MRPL37: variants seen among roughly 807,000 people sequenced by gnomAD.
The protein encoded by MRPL37 is mitochondrial ribosomal protein L37.
In MRPL37, 34 loss-of-function variants were observed where a neutral mutation model predicts 44.1. The observed-to-expected ratio is 0.77, with a 90% CI of 0.59 to 1.03. The LOEUF is 1.03. Ranked by LOEUF, MRPL37 falls within the 50% of genes least tolerant of loss-of-function variation. The pLI is 0.00. For missense variants in MRPL37, 532 were observed against 543.7 expected (o/e 0.98, Z 0.21); for synonymous variants, 212 against 219.5 (o/e 0.97, Z 0.30).
chr1:54,217,336 A>G (rs1010376819), intron 6 of MRPL37, among the ~76,000 whole-genome samples: 1 of 152,176 alleles, frequency 6.6e-6, no homozygotes, highest in Non-Finnish European at 1.5e-5. Flanking sequence ...GCATAGTCAC[A>G]CCAGCCACCT....
At chr1:54,204,946 C>T (rs1056776309) in intron 1 of MRPL37, 72 bp from the exon 2 acceptor site, 29 of 1,520,330 alleles carry the variant, frequency 1.9e-5, no homozygotes, top group Middle Eastern at 2.4e-4. Flanking sequence ...AAGATGCTAC[C>T]TGGCAGGTGT....
At chr1:54,210,969 C>G (rs1644160304) in intron 4 of MRPL37, among the ~76,000 whole-genome samples, 1 of 152,130 alleles carries the variant, frequency 6.6e-6, no homozygotes, top group African/African-American at 2.4e-5. Context: ...GGTCTCTGCC[C>G]CATCCCCAGC....
downstream of MRPL37, among the ~76,000 whole-genome samples, chr1:54,222,789 A>G (rs180959680): frequency 3.1e-4 from 47 of 152,254 alleles, no homozygotes; most frequent in Admixed American, 1.8e-3. Flanking sequence ...TCTTTACTGG[A>G]TATCAAATCA....
Position 54,218,210 on chromosome 1 carries a change from C to G in MRPL37, c.1233C>G (p.Phe411Leu). The change falls in exon 7 of 7, where the codon TTC (phenylalanine) becomes TTG (leucine). Residue 411 changes from phenylalanine (F) to leucine (L), a missense_variant. By Grantham distance (22) the Phe-to-Leu change is conservative. Transcript: ENST00000360840. ...CAGTTGGTTTCAAGCCAGAGACATT[C>G]AGAAAGTTTTTAGCTCTATATTTGC... The part of the protein sequence containing the change: ...VGPVGFKPET[F>L]RKFLALYLHG... 6.2e-7 allele frequency: 1 copy of G among 1,614,240 alleles called. No homozygotes were observed. Among genetic ancestry groups the G allele is most frequent in the Non-Finnish European group, 8.5e-7 (1 of 1,180,038 alleles).
Position 54,218,291 on chromosome 1 carries a change from T to C in MRPL37, c.*42T>C. The C allele has an allele frequency of 1.2e-6, 2 of 1,613,814 alleles. No homozygotes were observed. The highest frequency in any genetic ancestry group is 1.7e-6 in the Non-Finnish European group (2 of 1,179,890). ...AATCCTGAAACCCCTCTTGCCTCTCTTCCACGGAAGAGGGCCTGGGCCCCG... is the reference window on the plus strand; with the variant it reads ...AATCCTGAAACCCCTCTTGCCTCTCCTCCACGGAAGAGGGCCTGGGCCCCG... On this transcript the variant is annotated 3_prime_UTR_variant, in exon 7 of 7. Coordinates refer to ENST00000360840, the MANE Select transcript of MRPL37 (RefSeq NM_016491.4).
At chr1:54,208,392 CAA>C (rs1557732343) in intron 3 of MRPL37, among the ~76,000 whole-genome samples, 1 of 151,468 alleles carries the variant, frequency 6.6e-6, no homozygotes, top group African/African-American at 2.4e-5. Context: ...AATACAAAAA[CAA>C]AAAAATTAGC....
chr1:54,204,126 T>C (rs1431041741), intron 1 of MRPL37, among the ~76,000 whole-genome samples: 1 of 152,218 alleles, frequency 6.6e-6, no homozygotes, highest in Non-Finnish European at 1.5e-5. Flanking sequence ...CTAATGCCTA[T>C]AATCCCAGCA....
At chr1:54,218,570 TTGAA>T (rs1290327600), downstream of MRPL37, among the ~76,000 whole-genome samples, 2 of 152,378 alleles carry the variant, frequency 1.3e-5, no homozygotes, top group Non-Finnish European at 2.9e-5. Flanking sequence ...TTACCTGGCG[TTGAA>T]GACTCTGGGT....
downstream of MRPL37, chr1:54,218,427 C>T: frequency 6.9e-7 from 1 of 1,444,296 alleles, no homozygotes; most frequent in Non-Finnish European, 9.1e-7. Flanking sequence ...GGCGCCCACA[C>T]AAGTCCAAGC....
At chr1:54,202,070 G>A (rs1000084632) in intron 1 of MRPL37, among the ~76,000 whole-genome samples, 10 of 150,472 alleles carry the variant, frequency 6.6e-5, no homozygotes, top group Non-Finnish European at 1.2e-4. Flanking sequence ...TGGCATGATC[G>A]TGCCTCACTG....
chr1:54,213,744 C>G (rs1323553385), intron 5 of MRPL37, among the ~76,000 whole-genome samples: 2 of 152,188 alleles, frequency 1.3e-5, no homozygotes, highest in Non-Finnish European at 2.9e-5. Context: ...GCTACAAGCT[C>G]GAGTTTAAAA....
At chr1:54,214,132 G>A (rs185633596) in intron 5 of MRPL37, among the ~76,000 whole-genome samples, 155 of 152,308 alleles carry the variant, frequency 1.0e-3, no homozygotes, top group African/African-American at 3.5e-3. Context: ...GCAGTGAGCT[G>A]AAAGATTGCA....
chr1:54,202,509 C>T (rs1644092134), intron 1 of MRPL37, among the ~76,000 whole-genome samples: 1 of 151,950 alleles, frequency 6.6e-6, no homozygotes, highest in South Asian at 2.1e-4. Context: ...CTCTCTCTCT[C>T]TCTTTTTTTT....
At chr1:54,216,372 C>G in intron 6 of MRPL37, 28 bp downstream of exon 6, 1 of 1,610,050 alleles carries the variant, frequency 6.2e-7, no homozygotes, top group African/African-American at 1.3e-5. Flanking sequence ...CTGCCTGACC[C>G]AGGAGGGCCA....
At chr1:54,208,021 C>T (rs1644136333) in intron 3 of MRPL37, among the ~76,000 whole-genome samples, 1 of 152,194 alleles carries the variant, frequency 6.6e-6, no homozygotes, top group Non-Finnish European at 1.5e-5. Flanking sequence ...CACATTTTGT[C>T]TGGTGGTAGC....
chr1:54,218,099 TC>T, intron 6 of MRPL37, 72 bp from the exon 7 acceptor site: 1 of 1,357,242 alleles, frequency 7.4e-7, no homozygotes, highest in Non-Finnish European at 1.1e-6. Context: ...AAGATTTACT[TC>T]AATCCAATCT....
At chr1:54,208,473 C>T (rs1436397420) in intron 3 of MRPL37, among the ~76,000 whole-genome samples, 14 of 139,624 alleles carry the variant, frequency 1.0e-4, no homozygotes, top group Admixed American at 4.1e-4. Flanking sequence ...GGCGTGAACC[C>T]GGAAGGCGGA....
chr1:54,200,474 C>G lies in MRPL37; in HGVS notation c.231C>G (p.Pro77=). ...GGCTGGCGCGGCCGATCTTTCCGCCCTGGGACCGCGGCTACAAGGACCCAA... is the reference window on the plus strand; with the variant it reads ...GGCTGGCGCGGCCGATCTTTCCGCCGTGGGACCGCGGCTACAAGGACCCAA... ...VPWLARPIFP[P]WDRGYKDPRF... is the part of the protein sequence containing the mutation. The change falls in exon 1 of 7, where the codon CCC becomes CCG. Residue 77 remains proline (P), a synonymous_variant. Coordinates refer to ENST00000360840, the MANE Select transcript of MRPL37 (RefSeq NM_016491.4). 6.2e-7 allele frequency: 1 copy of G among 1,614,230 alleles called. No homozygotes were observed. Among genetic ancestry groups the G allele is most frequent in the Middle Eastern group, 1.6e-4 (1 of 6,062 alleles).
chr1:54,222,078 G>A (rs1287624856), downstream of MRPL37, among the ~76,000 whole-genome samples: 3 of 152,178 alleles, frequency 2.0e-5, no homozygotes, highest in Non-Finnish European at 4.4e-5. Context: ...GCACATTCTG[G>A]GGCTACTCAA....
Sources: allele counts gnomAD v4.1 joint callset (sites outside exome capture counted in the v4.1 genomes callset), GRCh38; gene constraint gnomAD v4.1.1; transcripts MANE v1.5; gene names NCBI Gene and HGNC (gene_info 2026-07-23, HGNC 2026-07-21).